The following SCHIP1 variants were observed in gnomAD, a reference collection of about 807,000 sequenced individuals.
The protein encoded by SCHIP1 is schwannomin-interacting protein 1.
Under a neutral mutation model 29.7 loss-of-function variants are expected in SCHIP1, and 8 were observed. The ratio of observed to expected loss-of-function variants is 0.27; its 90% CI spans 0.16 to 0.49. SCHIP1 has a LOEUF of 0.49. Among genes scored for constraint, SCHIP1 ranks in the 20% least tolerant of loss-of-function variants. The pLI, the probability that SCHIP1 is intolerant of heterozygous loss-of-function variation, is 0.99. For missense variants in SCHIP1, 193 were observed against 294.6 expected, an observed-to-expected ratio of 0.66 and a Z score of 2.52; for synonymous variants, 76 against 94.9, an observed-to-expected ratio of 0.80 and a Z score of 1.16.
At chr3:159,447,857 TG>T in the SCHIP1 span, among the ~76,000 whole-genome samples, 1 of 152,338 alleles carries the variant, frequency 6.6e-6, no homozygotes, top group East Asian at 1.9e-4. Flanking sequence ...TTTTTCCTTT[TG>T]CATTCATTTT....
chr3:159,293,171 C>T, the SCHIP1 span, among the ~76,000 whole-genome samples: 885 of 152,242 alleles, frequency 5.8e-3, 29 homozygotes, highest in Admixed American at 0.053. Context: ...GCGTACATTA[C>T]CTATGGTAAA....
the SCHIP1 span, among the ~76,000 whole-genome samples, chr3:159,671,440 T>C: frequency 1.5e-4 from 23 of 152,164 alleles, no homozygotes; most frequent in Non-Finnish European, 2.9e-4. Flanking sequence ...AGAATTAGCA[T>C]CTCTCTGCCT....
the SCHIP1 span, chr3:159,309,203 TG>T: frequency 8.5e-6 from 2 of 234,104 alleles, no homozygotes; most frequent in East Asian, 3.6e-4. Flanking sequence ...AATATTTAAA[TG>T]GGAAAAAATT....
the SCHIP1 span, among the ~76,000 whole-genome samples, chr3:159,677,720 C>T: frequency 3.3e-5 from 5 of 152,140 alleles, no homozygotes; most frequent in African/African-American, 4.8e-5. Flanking sequence ...CTGGGGGGAT[C>T]CTTTTTTTCT....
upstream of SCHIP1, among the ~76,000 whole-genome samples, chr3:159,838,998 C>T (rs780825829): frequency 6.6e-6 from 1 of 151,700 alleles, no homozygotes; most frequent in South Asian, 2.1e-4. Flanking sequence ...TTAACTTTTC[C>T]CCCTTAATTT....
chr3:159,315,677 A>G, the SCHIP1 span, among the ~76,000 whole-genome samples: 6 of 152,256 alleles, frequency 3.9e-5, no homozygotes, highest in African/African-American at 1.4e-4. Context: ...ATGCAAACTT[A>G]AGTAGAAGGT....
chr3:159,450,235 G>A, the SCHIP1 span, among the ~76,000 whole-genome samples: 1 of 152,020 alleles, frequency 6.6e-6, no homozygotes, highest in South Asian at 2.1e-4. Flanking sequence ...TCACAGAAAG[G>A]GATTCATTCC....
chr3:159,764,670 C>G, the SCHIP1 span: 1 of 1,592,014 alleles, frequency 6.3e-7, no homozygotes, highest in Admixed American at 1.7e-5. This position sits in a 1 kb window ranked among gnomAD's most constrained non-coding sequence, Gnocchi z 6.1. Context: ...CGGAGGAGGA[C>G]GGGGAGGAGG....
chr3:159,425,830 A>T, the SCHIP1 span, among the ~76,000 whole-genome samples: 1 of 152,342 alleles, frequency 6.6e-6, no homozygotes, highest in South Asian at 2.1e-4. Flanking sequence ...AACAGAAATT[A>T]TAACAAACTA....
At chr3:159,797,672 A>C in the SCHIP1 span, among the ~76,000 whole-genome samples, 1 of 151,510 alleles carries the variant, frequency 6.6e-6, no homozygotes, top group Non-Finnish European at 1.5e-5. Flanking sequence ...TCCCAGGTTC[A>C]CACCATTCCC....
At chr3:159,559,721 C>T in the SCHIP1 span, among the ~76,000 whole-genome samples, 1 of 152,066 alleles carries the variant, frequency 6.6e-6, no homozygotes, top group Non-Finnish European at 1.5e-5. Context: ...CAGAGAGTTC[C>T]CTCATGCCCT....
chr3:159,565,352 C>T, the SCHIP1 span, among the ~76,000 whole-genome samples: 2 of 152,290 alleles, frequency 1.3e-5, no homozygotes, highest in Admixed American at 1.3e-4. Flanking sequence ...TTAGCATTTT[C>T]TTCAACTCAT....
chr3:159,692,198 T>C, the SCHIP1 span, among the ~76,000 whole-genome samples: 1 of 152,092 alleles, frequency 6.6e-6, no homozygotes, highest in South Asian at 2.1e-4. Flanking sequence ...GATGATTATG[T>C]GTCTTGAGGT....
the SCHIP1 span, among the ~76,000 whole-genome samples, chr3:159,323,585 T>A: frequency 3.5e-3 from 535 of 152,362 alleles, 2 homozygotes; most frequent in Non-Finnish European, 4.7e-3. Context: ...ATTTGAGTTG[T>A]CTTCAGTCTT....
the SCHIP1 span, among the ~76,000 whole-genome samples, chr3:159,476,778 AT>A: frequency 1.3e-5 from 2 of 152,184 alleles, no homozygotes; most frequent in African/African-American, 4.8e-5. Context: ...TAATTAACAT[AT>A]ATACCCTCAT....
the SCHIP1 span, among the ~76,000 whole-genome samples, chr3:159,491,546 G>C: frequency 6.6e-6 from 1 of 152,202 alleles, no homozygotes; most frequent in African/African-American, 2.4e-5. Flanking sequence ...AGGTGACAGC[G>C]AGGCTGGGGG....
the SCHIP1 span, among the ~76,000 whole-genome samples, chr3:159,723,233 G>A: frequency 6.6e-6 from 1 of 152,150 alleles, no homozygotes; most frequent in Admixed American, 6.5e-5. Flanking sequence ...CTGTAATTAA[G>A]TTAGAAAATA....
At chr3:159,559,706 AT>A in the SCHIP1 span, among the ~76,000 whole-genome samples, 11 of 152,210 alleles carry the variant, frequency 7.2e-5, 1 homozygote, top group Admixed American at 6.5e-4. Flanking sequence ...GCATTATCAT[AT>A]TCCCAGAGAG....
At chr3:159,309,234 CAATA>C in the SCHIP1 span, 101 of 213,558 alleles carry the variant, frequency 4.7e-4, 1 homozygote, top group South Asian at 0.01. Flanking sequence ...GACATATATG[CAATA>C]AATAAACAAC....
Sources: allele counts gnomAD v4.1 joint callset (sites outside exome capture counted in the v4.1 genomes callset), GRCh38; gene constraint gnomAD v4.1.1; non-coding constraint Gnocchi (gnomAD v3.1); transcripts MANE v1.5; gene names NCBI Gene and HGNC (gene_info 2026-07-23, HGNC 2026-07-21).